Variants in RNF144A observed in about 807,000 individuals in gnomAD.
RNF144A encodes ring finger protein 144A, also known as E3 ubiquitin-protein ligase RNF144A.
Under a neutral mutation model 38.7 loss-of-function variants are expected in RNF144A, and 11 were observed. That is an observed-to-expected ratio of 0.28 (90% CI 0.18 to 0.47). The LOEUF (loss-of-function observed/expected upper bound fraction) is 0.47, where lower values mean the gene tolerates loss of function less well. Ranked by LOEUF, RNF144A falls within the 20% of genes least tolerant of loss-of-function variation. The pLI is 0.99. For missense variants in RNF144A, 316 were observed against 377.2 expected (o/e 0.84, Z 1.34); for synonymous variants, 149 against 143.9 (o/e 1.04, Z -0.25).
chr2:7,010,538 C>T lies in RNF144A; in HGVS notation c.136-3916C>T, dbSNP rs143572193. 1.7e-3 allele frequency among the ~76,000 whole-genome samples: 253 copies of T among 152,108 alleles called. 1 individual carries two copies. Among genetic ancestry groups the T allele is most frequent in the African/African-American group, 5.5e-3 (230 of 41,474 alleles). On this transcript the variant is annotated intron_variant, in intron 3 of 8. Coordinates refer to ENST00000320892, the MANE Select transcript of RNF144A (RefSeq NM_014746.6). ...AAATCAGACTCGCTGTAGTTTTAGG[C>T]GAGGCAGATATTTCTCTGTGGCCAC...
chr2:6,953,012 T>A (rs1426166112), intron 2 of RNF144A, among the ~76,000 whole-genome samples: 1 of 152,222 alleles, frequency 6.6e-6, no homozygotes, highest in Non-Finnish European at 1.5e-5. Context: ...TTTTGTTTGT[T>A]ACAGGTCTTC....
downstream of RNF144A, among the ~76,000 whole-genome samples, chr2:7,047,492 C>T (rs1221220317): frequency 6.6e-6 from 1 of 152,120 alleles, no homozygotes; most frequent in African/African-American, 2.4e-5. Flanking sequence ...CTGATAAACC[C>T]ATCACATCTC....
downstream of RNF144A, among the ~76,000 whole-genome samples, chr2:7,045,734 CTGAG>C (rs1673281926): frequency 6.6e-6 from 1 of 152,204 alleles, no homozygotes; most frequent in Non-Finnish European, 1.5e-5. Context: ...AGCACGGACT[CTGAG>C]TGGGCTGTCT....
intron 2 of RNF144A, among the ~76,000 whole-genome samples, chr2:6,990,394 A>G (rs1488701156): frequency 2.4e-3 from 97 of 40,284 alleles, no homozygotes; most frequent in African/African-American, 0.019. Flanking sequence ...TTACACACAC[A>G]CACACACACA....
chr2:6,971,104 CTG>C (rs1667977250), intron 2 of RNF144A, among the ~76,000 whole-genome samples: 1 of 152,170 alleles, frequency 6.6e-6, no homozygotes, highest in African/African-American at 2.4e-5. Flanking sequence ...TACTCAGTGA[CTG>C]TGTCATTTTA....
intron 1 of RNF144A, among the ~76,000 whole-genome samples, chr2:6,937,487 G>A (rs1343068477): frequency 2.6e-5 from 4 of 152,226 alleles, no homozygotes; most frequent in Admixed American, 2.6e-4. Context: ...TGCACCAGCT[G>A]AGCAGAGAGC....
At chr2:7,022,601 G>A (rs1397894518) in intron 6 of RNF144A, among the ~76,000 whole-genome samples, 1 of 152,212 alleles carries the variant, frequency 6.6e-6, no homozygotes, top group Non-Finnish European at 1.5e-5. Flanking sequence ...ATCAGCTTGT[G>A]AGTCACATGA....
intron 2 of RNF144A, among the ~76,000 whole-genome samples, chr2:6,959,789 A>ACC (rs70942682): frequency 1.5e-4 from 23 of 151,052 alleles, no homozygotes; most frequent in African/African-American, 4.9e-4. Flanking sequence ...AAAGATCACC[A>ACC]CCCCCCCCAT....
chr2:7,044,963 A>G (rs1322736484), downstream of RNF144A, among the ~76,000 whole-genome samples: 1 of 152,228 alleles, frequency 6.6e-6, no homozygotes, highest in Non-Finnish European at 1.5e-5. Context: ...TATCATAAGA[A>G]GGTGGAATAA....
chr2:7,037,304 G>A (rs941546097), intron 8 of RNF144A, among the ~76,000 whole-genome samples: 7 of 152,234 alleles, frequency 4.6e-5, no homozygotes, highest in African/African-American at 7.2e-5. Context: ...AGTGAAAAGC[G>A]AAGATGGTGT....
chr2:7,068,310 G>A, downstream of RNF144A: 1 of 1,160,210 alleles, frequency 8.6e-7, no homozygotes, highest in Non-Finnish European at 1.2e-6. Flanking sequence ...TTAAAGATAA[G>A]ATTAATACAG....
chr2:7,041,484 A>C lies in RNF144A; in HGVS notation c.*1724A>C, dbSNP rs1264762866. The stretch of plus-strand genomic sequence containing the variant: ...CTTGTAATTGCAAGTTTAGTAACTC[A>C]GTAAGAACATGCCTGCGACTCCCTT... On this transcript the variant is annotated 3_prime_UTR_variant, in exon 9 of 9. Coordinates refer to ENST00000320892, the MANE Select transcript of RNF144A (RefSeq NM_014746.6). 1 of 985,868 alleles carries C rather than the reference A, an allele frequency of 1.0e-6. No individual in the cohort carries two copies. The highest frequency in any genetic ancestry group is 1.2e-6 in the Non-Finnish European group (1 of 829,948). The allele number at this position is 985,868 out of a possible 1,614,324, so 61.1% of individuals were successfully genotyped here.
intron 5 of RNF144A, among the ~76,000 whole-genome samples, chr2:7,018,230 C>G (rs948664753): frequency 6.6e-6 from 1 of 152,226 alleles, no homozygotes; most frequent in African/African-American, 2.4e-5. Context: ...CCTTCTGGAT[C>G]TAGCCTCAGA....
Position 7,049,569 on chromosome 2 carries a change from C to T in RNF144A, c.735-18647C>T, listed in dbSNP as rs309290. Among the ~76,000 whole-genome samples the T allele has an allele frequency of 2.1e-4, 32 of 152,134 alleles. No homozygotes were observed. In the East Asian group the frequency reaches 4.5e-3, roughly 21 times the overall value. ...TGTGCTCAGCGATTTGAGTTTTCAA[C>T]GACACGAAAATGAGGTTGCAGTCAG... On this transcript the variant is annotated intron_variant, in intron 6 of 6. Coordinates refer to the RNF144A transcript ENST00000432850.
At chr2:6,921,062 C>A (rs1417643266) in intron 1 of RNF144A, among the ~76,000 whole-genome samples, 1 of 152,174 alleles carries the variant, frequency 6.6e-6, no homozygotes, top group Non-Finnish European at 1.5e-5. Context: ...TACAACCATT[C>A]GTAAGGGTTT....
Position 7,039,569 on chromosome 2 carries a change from T to C in RNF144A, c.748-60T>C, listed in dbSNP as rs889982146. 8.2e-6 allele frequency: 13 copies of C among 1,594,824 alleles called. No individual in the cohort carries two copies. The East Asian group carries it at 2.0e-4, about 25-fold the overall frequency. ...GTAGCTGGTTGTGTGGTTTACACTTTAGCTCTGGAACCTACAGACCAGCCC... is the reference window on the plus strand; with the variant it reads ...GTAGCTGGTTGTGTGGTTTACACTTCAGCTCTGGAACCTACAGACCAGCCC... On this transcript the variant is annotated intron_variant, in intron 8 of 8. Transcript: ENST00000320892.
At chr2:6,986,396 A>C (rs1668966588) in intron 2 of RNF144A, among the ~76,000 whole-genome samples, 2 of 152,164 alleles carry the variant, frequency 1.3e-5, no homozygotes, top group African/African-American at 4.8e-5. Flanking sequence ...GCTTAGCAAC[A>C]AGGTTTCTGT....
chr2:7,009,038 A>T (rs952567694), intron 3 of RNF144A, among the ~76,000 whole-genome samples: 4 of 152,242 alleles, frequency 2.6e-5, no homozygotes, highest in African/African-American at 9.6e-5. Context: ...TGAGGGCCGC[A>T]TAGGGCCACA....
intron 2 of RNF144A, among the ~76,000 whole-genome samples, chr2:6,995,208 A>G: frequency 6.9e-6 from 1 of 145,522 alleles, no homozygotes; most frequent in East Asian, 2.0e-4. Context: ...GGATGATGTA[A>G]TTTTTTTTTT....
Sources: gnomAD v4.1 joint callset for allele counts (sites outside exome capture counted in the v4.1 genomes callset) on GRCh38, gnomAD v4.1.1 for gene constraint, MANE v1.5 for transcripts, NCBI Gene and HGNC (gene_info 2026-07-23, HGNC 2026-07-21) for gene names.